The following LIN7A variants were observed in gnomAD, a reference collection of about 807,000 sequenced individuals.
LIN7A encodes the protein protein lin-7 homolog A.
LIN7A carries 25 observed loss-of-function variants against 29.8 expected under a neutral mutation model. That is an observed-to-expected ratio of 0.84 (90% CI 0.61 to 1.17). LIN7A has a LOEUF of 1.17. Among genes scored for constraint, LIN7A ranks in the 50% most tolerant of loss-of-function variants. The probability of loss-of-function intolerance (pLI) is 0.00; values close to 1 mark genes in which losing one functional copy is unlikely to be tolerated. For missense variants in LIN7A, 239 were observed against 287.0 expected, an observed-to-expected ratio of 0.83 and a Z score of 1.21; for synonymous variants, 118 against 107.5, an observed-to-expected ratio of 1.10 and a Z score of -0.60.
intron 1 of LIN7A, among the ~76,000 whole-genome samples, chr12:80,916,130 C>A (rs1430401420): frequency 1.3e-5 from 2 of 152,130 alleles, no homozygotes; most frequent in African/African-American, 4.8e-5. Flanking sequence ...TGATCCCAAC[C>A]ACCACCATCT....
chr12:80,927,155 C>CTTTTTTTTTTTTTTTTTTTTT (rs929026269), intron 1 of LIN7A, among the ~76,000 whole-genome samples: 11 of 75,534 alleles, frequency 1.5e-4, no homozygotes, highest in African/African-American at 4.4e-4. Context: ...TTTTCTTTTT[C>CTTTTTTTTTTTTTTTTTTTTT]TTTTTTTTTT....
rs563359350 is a variant in LIN7A, at chr12:80,860,528, C to G, written c.202-12206G>C. Among the ~76,000 whole-genome samples the G allele has an allele frequency of 2.9e-4, 44 of 152,360 alleles. 1 individual carries two copies. In the South Asian group the frequency reaches 5.8e-3, roughly 20 times the overall value. On this transcript the variant is annotated intron_variant, in intron 2 of 5. Coordinates refer to ENST00000552864, the MANE Select transcript of LIN7A (RefSeq NM_004664.4). ...CATCTGTCTGTTCTGATAGAGATCA[C>G]TTTCCTTTCCTGAAGAGGGAGTCTT...
intron 2 of LIN7A, among the ~76,000 whole-genome samples, chr12:80,884,926 T>C (rs1367008326): frequency 6.6e-6 from 1 of 152,150 alleles, no homozygotes; most frequent in African/African-American, 2.4e-5. Context: ...TCCAGGTCAA[T>C]GAGCACATCA....
intron 5 of LIN7A, among the ~76,000 whole-genome samples, chr12:80,806,536 A>G (rs2121505671): frequency 6.6e-6 from 1 of 152,358 alleles, no homozygotes; most frequent in East Asian, 1.9e-4. Context: ...AGATAAAAAA[A>G]CATATTATTT....
At chr12:80,844,460 C>G (rs932583377) in intron 4 of LIN7A, among the ~76,000 whole-genome samples, 4 of 152,100 alleles carry the variant, frequency 2.6e-5, no homozygotes, top group Non-Finnish European at 4.4e-5. Flanking sequence ...GAATTTCATT[C>G]TACAGTTACC....
chr12:80,801,864 T>A (rs1419694529), intron 5 of LIN7A, among the ~76,000 whole-genome samples: 2 of 151,718 alleles, frequency 1.3e-5, no homozygotes, highest in African/African-American at 4.8e-5. Flanking sequence ...CCTCTGATAA[T>A]CACTATTCTA....
At chr12:80,839,021 C>A (rs190976760) in intron 4 of LIN7A, among the ~76,000 whole-genome samples, 1 of 152,302 alleles carries the variant, frequency 6.6e-6, no homozygotes, top group East Asian at 1.9e-4. Context: ...CCATTTGAAT[C>A]AGAGTAAATT....
intron 2 of LIN7A, among the ~76,000 whole-genome samples, chr12:80,866,084 T>G (rs1874123073): frequency 6.6e-6 from 1 of 152,174 alleles, no homozygotes; most frequent in Non-Finnish European, 1.5e-5. Flanking sequence ...TAACTAATCT[T>G]CCTCTCTTGA....
intron 1 of LIN7A, among the ~76,000 whole-genome samples, chr12:80,892,228 T>C (rs1221173552): frequency 2.0e-5 from 3 of 152,206 alleles, no homozygotes; most frequent in Admixed American, 6.5e-5. Flanking sequence ...CATCCCTGTG[T>C]CTTGGCACAT....
At chr12:80,860,390 CA>C (rs1362005595) in intron 2 of LIN7A, among the ~76,000 whole-genome samples, 1 of 152,178 alleles carries the variant, frequency 6.6e-6, no homozygotes, top group African/African-American at 2.4e-5. Flanking sequence ...AAAATGTTGC[CA>C]AACTCATAGT....
chr12:80,937,029 TC>T (rs896934793), intron 1 of LIN7A: 1 of 152,030 alleles, frequency 6.6e-6, no homozygotes, highest in Non-Finnish European at 1.5e-5. Flanking sequence ...GGGGCTCGGC[TC>T]CCCGCGCTCT....
intron 4 of LIN7A, among the ~76,000 whole-genome samples, chr12:80,835,987 AAAT>A (rs1872574495): frequency 6.6e-6 from 1 of 152,344 alleles, no homozygotes; most frequent in Non-Finnish European, 1.5e-5. Context: ...TCAATACAAA[AAAT>A]AATAATAAGC....
At chr12:80,799,488 C>G (rs1002746452) in intron 5 of LIN7A, among the ~76,000 whole-genome samples, 1 of 151,602 alleles carries the variant, frequency 6.6e-6, no homozygotes, top group African/African-American at 2.4e-5. Flanking sequence ...GCTAAGAAGC[C>G]TATGTTAAAA....
chr12:80,842,236 A>G, intron 4 of LIN7A: 19 of 701,908 alleles, frequency 2.7e-5, no homozygotes, highest in East Asian at 6.8e-5. Flanking sequence ...CCATGTTAAT[A>G]GTTCTGTGTG....
At chr12:80,917,903 G>T (rs540758730) in intron 1 of LIN7A, among the ~76,000 whole-genome samples, 1 of 152,234 alleles carries the variant, frequency 6.6e-6, no homozygotes, top group South Asian at 2.1e-4. Flanking sequence ...GTTTAATTGT[G>T]AGCACACTTT....
In LIN7A at chr12:80,794,750, G is replaced by A. The variant is rs1870369466; in HGVS notation, c.*2977C>T. ...CTGGAGAATTCCCTATTGACTACAT[G>A]ATTGAGGAAACACAAAAGTCTGTTA... On this transcript the variant is annotated 3_prime_UTR_variant, in exon 6 of 6. Transcript: ENST00000552864. 6.6e-6 allele frequency: 1 copy of A among 152,160 alleles called. No homozygotes were observed. Among genetic ancestry groups the A allele is most frequent in the Non-Finnish European group, 1.5e-5 (1 of 68,012 alleles). 9.4% of individuals were successfully genotyped at this position (152,160 alleles called of 1,614,324 possible).
intron 2 of LIN7A, among the ~76,000 whole-genome samples, chr12:80,883,173 C>T (rs1256172672): frequency 6.6e-6 from 1 of 151,896 alleles, no homozygotes; most frequent in Non-Finnish European, 1.5e-5. Flanking sequence ...TTCTTTCTTC[C>T]TCCAATTCCT....
intron 2 of LIN7A, among the ~76,000 whole-genome samples, chr12:80,876,411 T>C (rs563213617): frequency 2.2e-4 from 33 of 152,126 alleles, no homozygotes; most frequent in African/African-American, 7.0e-4. Context: ...AAAAAGCATA[T>C]TTTAAACAAG....
intron 4 of LIN7A, among the ~76,000 whole-genome samples, chr12:80,819,841 T>C (rs1871710461): frequency 6.6e-6 from 1 of 152,230 alleles, no homozygotes; most frequent in African/African-American, 2.4e-5. Context: ...TGTTGAACTA[T>C]TTTCTTGTTA....
Sources: allele counts gnomAD v4.1 joint callset (sites outside exome capture counted in the v4.1 genomes callset), GRCh38; gene constraint gnomAD v4.1.1; transcripts MANE v1.5; gene names NCBI Gene and HGNC (gene_info 2026-07-23, HGNC 2026-07-21).